Variants in RELL1 observed in about 807,000 individuals in gnomAD.
RELL1 encodes the protein RELT-like protein 1.
RELL1 carries 10 observed loss-of-function variants against 23.0 expected under a neutral mutation model. The ratio of observed to expected loss-of-function variants is 0.43; its 90% CI spans 0.27 to 0.74. RELL1 has a LOEUF of 0.74. Ranked by LOEUF, RELL1 falls within the 30% of genes least tolerant of loss-of-function variation. RELL1 has a pLI of 0.19. For missense variants in RELL1, 315 were observed against 364.4 expected (o/e 0.86, Z 1.10); for synonymous variants, 146 against 146.8 (o/e 0.99, Z 0.04).
rs182170045 is a variant in RELL1 at position 37,611,932 on chromosome 4, T to C, written c.*1414A>G. Among the ~76,000 whole-genome samples the C allele has an allele frequency of 9.7e-4, 147 of 151,558 alleles. 3 individuals are homozygous for C. In the Middle Eastern group the frequency reaches 0.024, roughly 25 times the overall value. On this transcript the variant is annotated 3_prime_UTR_variant, in exon 7 of 7. Coordinates refer to ENST00000454158, the MANE Select transcript of RELL1 (RefSeq NM_001085400.2). The stretch of plus-strand genomic sequence containing the variant: ...GGCTCAAGCCTGTAATCCCAGAACT[T>C]TGGGAGGCCGAGGCGGGTGGATCAC...
At position 37,644,024 on chromosome 4, in the gene RELL1, G is replaced by A. The variant is rs930071161; in HGVS notation, c.385+3344C>T. On this transcript the variant is annotated intron_variant, in intron 3 of 6. Transcript: ENST00000454158. ...GCATGGACAGGAGAAGAGGGGACCC[G>A]GGGTTGAGAATAAGATAGAAGGCAA... 9.2e-5 allele frequency among the ~76,000 whole-genome samples: 14 copies of A among 152,282 alleles called. No individual in the cohort carries two copies. In the South Asian group the frequency reaches 2.1e-3, roughly 23 times the overall value.
rs139535047 is a variant in RELL1 at position 37,639,012 on chromosome 4, G to A, written c.386-508C>T. Among the ~76,000 whole-genome samples, 855 of 152,154 alleles carry A rather than the reference G, an allele frequency of 5.6e-3. 11 individuals are homozygous for A. Among genetic ancestry groups the A allele is most frequent in the African/African-American group, 0.02 (822 of 41,496 alleles). ...TGTAGCATCAATTCTATCCCATATC[G>A]ATTCAGGGATGAGAGAAGGTTAATT... On this transcript the variant is annotated intron_variant, in intron 3 of 6. Transcript: ENST00000454158.
intron 3 of RELL1, among the ~76,000 whole-genome samples, chr4:37,644,970 C>G (rs142932849): frequency 6.6e-6 from 1 of 152,166 alleles, no homozygotes; most frequent in Admixed American, 6.5e-5. Flanking sequence ...CGGTGCAACA[C>G]TGGCAACTTA....
At position 37,636,287 on chromosome 4, in the gene RELL1, C is replaced by T. The variant is rs187934642; in HGVS notation, c.444-1164G>A. On this transcript the variant is annotated intron_variant, in intron 4 of 6. Transcript: ENST00000454158. ...TAATCTGGAATATATTTGGCTAGAC[C>T]ATCCAAAATATAAAAAGCAGAAATA... Among the ~76,000 whole-genome samples, 573 of 152,148 alleles carry T rather than the reference C, an allele frequency of 3.8e-3. 2 individuals are homozygous for T. Among genetic ancestry groups the T allele is most frequent in the African/African-American group, 0.013 (550 of 41,500 alleles).
chr4:37,668,603 A>G (rs924043177), intron 1 of RELL1, among the ~76,000 whole-genome samples: 27 of 152,030 alleles, frequency 1.8e-4, no homozygotes, highest in East Asian at 1.4e-3. Context: ...TGGCCTCCCA[A>G]AGTGGCGAGA....
intron 6 of RELL1, among the ~76,000 whole-genome samples, chr4:37,620,449 A>G (rs1186161702): frequency 6.6e-6 from 1 of 152,228 alleles, no homozygotes; most frequent in African/African-American, 2.4e-5. Flanking sequence ...TCCAAGTAAA[A>G]TGTAACTGAC....
At chr4:37,669,726 A>G (rs1721756534) in intron 1 of RELL1, among the ~76,000 whole-genome samples, 1 of 152,182 alleles carries the variant, frequency 6.6e-6, no homozygotes. Flanking sequence ...TTGATCTGTG[A>G]CCTTACCCCC....
chr4:37,673,690 G>T (rs1454033676), intron 1 of RELL1, among the ~76,000 whole-genome samples: 1 of 152,174 alleles, frequency 6.6e-6, no homozygotes, highest in Non-Finnish European at 1.5e-5. Flanking sequence ...CACTTCTGCA[G>T]ATAAGGAAAT....
At chr4:37,669,904 A>G (rs2109307599) in intron 1 of RELL1, among the ~76,000 whole-genome samples, 1 of 151,820 alleles carries the variant, frequency 6.6e-6, no homozygotes, top group East Asian at 1.9e-4. Flanking sequence ...ACAATGCGGA[A>G]GGCCGCAGGG....
At chr4:37,650,972 T>A in intron 1 of RELL1, among the ~76,000 whole-genome samples, 1 of 150,244 alleles carries the variant, frequency 6.7e-6, no homozygotes, top group African/African-American at 2.5e-5. Flanking sequence ...GGTGAGAGGA[T>A]TGCTTGAGCC....
At chr4:37,648,171 C>T (rs569119534) in intron 2 of RELL1, among the ~76,000 whole-genome samples, 3 of 152,218 alleles carry the variant, frequency 2.0e-5, no homozygotes, top group African/African-American at 4.8e-5. Flanking sequence ...CTTTCCTCCA[C>T]GTGAACATGC....
chr4:37,670,056 T>TAAA (rs537851204), intron 1 of RELL1, among the ~76,000 whole-genome samples: 61 of 98,694 alleles, frequency 6.2e-4, no homozygotes, highest in South Asian at 4.8e-3. Context: ...TAAATAAATA[T>TAAA]AAAAAAAAAA....
chr4:37,615,995 G>T (rs1230767052), intron 6 of RELL1, among the ~76,000 whole-genome samples: 1 of 151,880 alleles, frequency 6.6e-6, no homozygotes, highest in Non-Finnish European at 1.5e-5. Context: ...AAAAGAAATT[G>T]ATCCCTTTAA....
At chr4:37,604,788 C>CACACACACAG (rs1560323559) in intron 6 of RELL1, among the ~76,000 whole-genome samples, 8 of 117,962 alleles carry the variant, frequency 6.8e-5, no homozygotes, top group South Asian at 3.1e-4. Flanking sequence ...CACACACAGA[C>CACACACACAG]ACACACACAG....
downstream of RELL1, chr4:37,590,262 G>A (rs1358585056): frequency 4.3e-6 from 7 of 1,614,180 alleles, no homozygotes; most frequent in East Asian, 6.7e-5. Flanking sequence ...GCAGCAGCAG[G>A]ACAGCTGATC....
intron 6 of RELL1, chr4:37,591,578 G>C (rs1432795222): frequency 6.6e-6 from 1 of 152,242 alleles, no homozygotes; most frequent in Non-Finnish European, 1.5e-5. Context: ...TTTCACAGTA[G>C]AGCAGAAGTC....
chr4:37,606,192 A>AGAAT (rs1350834540), downstream of RELL1, among the ~76,000 whole-genome samples: 1 of 107,994 alleles, frequency 9.3e-6, no homozygotes, highest in Non-Finnish European at 2.1e-5. The surrounding 1 kb of genome is among the most constrained non-coding windows in gnomAD (Gnocchi z 4.1). Context: ...AGAAAGAAAG[A>AGAAT]GAAAGAAGAA....
chr4:37,686,373 G>A lies in RELL1; in HGVS notation c.-86C>T, dbSNP rs1012810361. On this transcript the variant is annotated 5_prime_UTR_variant, in exon 1 of 7. Transcript: ENST00000454158. ...CCGCTCCGGAGCCGGCGGGCTGATC[G>A]AGTGGCTGGGCTGGGCCCCAGGGAG... 32 of 1,091,250 alleles carry A rather than the reference G, an allele frequency of 2.9e-5. No homozygotes were observed. Among genetic ancestry groups the A allele is most frequent in the African/African-American group, 1.5e-4 (9 of 60,058 alleles). The allele number at this position is 1,091,250 out of a possible 1,614,324, so 67.6% of individuals were successfully genotyped here.
intron 1 of RELL1, among the ~76,000 whole-genome samples, chr4:37,656,038 A>G (rs1042423610): frequency 3.3e-5 from 5 of 152,226 alleles, no homozygotes; most frequent in Non-Finnish European, 1.5e-5. Context: ...CAGGATCTTG[A>G]GGAGATACCT....
Sources: gnomAD v4.1 joint callset for allele counts (sites outside exome capture counted in the v4.1 genomes callset) on GRCh38, gnomAD v4.1.1 for gene constraint, Gnocchi (gnomAD v3.1) non-coding constraint, MANE v1.5 for transcripts, NCBI Gene and HGNC (gene_info 2026-07-23, HGNC 2026-07-21) for gene names.